The following RYR3 variants were observed in gnomAD, a reference collection of about 807,000 sequenced individuals.
RYR3 encodes ryanodine receptor 3.
In RYR3, 207 loss-of-function variants were observed where a neutral mutation model predicts 584.3. That is an observed-to-expected ratio of 0.35 (90% CI 0.32 to 0.40). The LOEUF (loss-of-function observed/expected upper bound fraction) is 0.40. Ranked by LOEUF, RYR3 falls within the 10% of genes least tolerant of loss-of-function variation. The pLI is 1.00. For missense variants in RYR3, 5,616 were observed against 6,089.2 expected, an observed-to-expected ratio of 0.92 and a Z score of 2.59; for synonymous variants, 2,416 against 2,248.5, an observed-to-expected ratio of 1.07 and a Z score of -2.11.
Position 33,477,831 on chromosome 15 carries a change from C to T in RYR3, c.171+4293C>T, listed in dbSNP as rs183286186. The stretch of plus-strand genomic sequence containing the variant: ...CGGAGGTTGCAGTGAGCGGAGATGG[C>T]GCCACTGCACTCCAGCCTGGGCGAC... On this transcript the variant is annotated intron_variant, in intron 2 of 103. Coordinates refer to ENST00000634891, the MANE Select transcript of RYR3 (RefSeq NM_001036.6). Among the ~76,000 whole-genome samples the T allele has an allele frequency of 4.6e-4, 46 of 99,736 alleles. 2 individuals are homozygous for T. Among genetic ancestry groups the T allele is most frequent in the African/African-American group, 3.0e-3 (33 of 11,172 alleles). The allele number at this position is 99,736 out of a possible 152,430, so 65.4% of individuals were successfully genotyped here.
intron 12 of RYR3, among the ~76,000 whole-genome samples, chr15:33,575,750 G>T (rs1344132481): frequency 2.0e-5 from 3 of 150,978 alleles, no homozygotes; most frequent in Non-Finnish European, 4.4e-5. Flanking sequence ...CAAAAGACAA[G>T]AAATAACCAA....
rs766735944 is a variant in RYR3, at chr15:33,854,860, G to A, written c.13955G>A (p.Gly4652Asp). 1.2e-6 allele frequency: 2 copies of A among 1,613,550 alleles called. No individual in the cohort carries two copies. Among genetic ancestry groups the A allele is most frequent in the African/African-American group, 1.3e-5 (1 of 74,870 alleles). Residue 4652 changes from glycine to aspartate, a missense_variant, in exon 98 of 104, where the codon GGC (glycine) becomes GAC (aspartate). Coordinates refer to ENST00000634891, the MANE Select transcript of RYR3 (RefSeq NM_001036.6). ...FAAHLLDIAM[G>D]FKTLRTILSS... ...GCTCACCTATTGGACATCGCAATGG[G>A]CTTCAAGACACTGAGGACCATTCTG... is the stretch of plus-strand genomic sequence containing the variant.
At position 33,595,231 on chromosome 15, in the gene RYR3, TGA is replaced by T. The variant is rs559124825; in HGVS notation, c.1789-6181_1789-6180del. 4.5e-3 allele frequency among the ~76,000 whole-genome samples: 691 copies of T among 152,336 alleles called. 2 individuals are homozygous for T. The highest frequency in any genetic ancestry group is 6.8e-3 in the Non-Finnish European group (463 of 68,010). ...TCAAAAAGTGAAAACCTTCATTCTT[TGA>T]GAGAGAAGACTTAATTTTCTAAACA... On this transcript the variant is annotated intron_variant, in intron 16 of 103. Transcript: ENST00000634891.
chr15:33,646,249 T>C lies in RYR3; in HGVS notation c.3766-102T>C, dbSNP rs924460557. ...CACTGGACACAACTTACTTCTGTAG[T>C]TCACAGAATGCCTTGCCATGTGCAT... is the stretch of plus-strand genomic sequence containing the variant. On this transcript the variant is annotated intron_variant, in intron 28 of 103. Coordinates refer to ENST00000634891, the MANE Select transcript of RYR3 (RefSeq NM_001036.6). The C allele has an allele frequency of 4.1e-6, 4 of 977,498 alleles. No individual in the cohort carries two copies. In the African/African-American group the frequency reaches 6.5e-5, roughly 16 times the overall value. 60.6% of individuals were successfully genotyped at this position (977,498 alleles called of 1,614,324 possible). A position where few individuals can be genotyped will look rare whatever the true frequency, so the allele number is the denominator to read the frequency against.
chr15:33,612,331 CAAAT>C (rs2060236692), intron 18 of RYR3, among the ~76,000 whole-genome samples: 1 of 152,122 alleles, frequency 6.6e-6, no homozygotes, highest in South Asian at 2.1e-4. Context: ...TTCTTTAAAA[CAAAT>C]AAGCAAACTA....
At chr15:33,563,052 T>C (rs2057498301) in intron 11 of RYR3, 42 bp downstream of exon 11, 1 of 1,537,396 alleles carries the variant, frequency 6.5e-7, no homozygotes, top group East Asian at 2.3e-5. Context: ...TTACCCTGAG[T>C]TGGAAGCAAC....
intron 49 of RYR3, among the ~76,000 whole-genome samples, 181 bp from the exon 50 acceptor site, chr15:33,738,255 AAGCTGACTGTTCCC>A (rs1377838238): frequency 3.3e-5 from 5 of 152,166 alleles, no homozygotes; most frequent in Non-Finnish European, 7.3e-5. Context: ...GCTCAGGCTC[AAGCTGACTGTTCCC>A]AGCTTGAGAG....
intron 1 of RYR3, among the ~76,000 whole-genome samples, chr15:33,399,771 A>G (rs540759606): frequency 6.6e-6 from 1 of 152,342 alleles, no homozygotes; most frequent in South Asian, 2.1e-4. Context: ...AAAGAAAGAT[A>G]GATCTATATC....
At position 33,860,322 on chromosome 15, in the gene RYR3, T is replaced by C. The variant is rs576043019; in HGVS notation, c.14300-273T>C. On this transcript the variant is annotated intron_variant, in intron 100 of 103. Transcript: ENST00000634891. ...ACTGAACACAAATAGCTAAGCAAAA[T>C]AGGAGACCAACCAGGGAGAAGTAGA... Among the ~76,000 whole-genome samples, 39 of 151,932 alleles carry C rather than the reference T, an allele frequency of 2.6e-4. No homozygotes were observed. The South Asian group carries it at 3.7e-3, about 15-fold the overall frequency.
At position 33,769,066 on chromosome 15, in the gene RYR3, A is replaced by T. The variant is rs371060368; in HGVS notation, c.8756-46A>T. The T allele has an allele frequency of 2.6e-5, 37 of 1,428,628 alleles. No homozygotes were observed. In the African/African-American group the frequency reaches 4.5e-4, roughly 17 times the overall value. 88.5% of individuals were successfully genotyped at this position (1,428,628 alleles called of 1,614,324 possible). The stretch of plus-strand genomic sequence containing the variant: ...ATGGAGAAGACTGCATTTGAAAGAC[A>T]GGCTGAGTGGTTTGAGGGAATCACA... On this transcript the variant is annotated intron_variant, in intron 61 of 103. Coordinates refer to ENST00000634891, the MANE Select transcript of RYR3 (RefSeq NM_001036.6).
chr15:33,708,690 A>G lies in RYR3; in HGVS notation c.6619+1636A>G, dbSNP rs540146318. On this transcript the variant is annotated intron_variant, in intron 43 of 103. Transcript: ENST00000634891. ...ATATATATAAAGTTTCGGTGCCACA[A>G]AAGAAATAGCACTTGAATATAAAAT... Among the ~76,000 whole-genome samples the G allele has an allele frequency of 9.8e-5, 15 of 152,342 alleles. No homozygotes were observed. The South Asian group carries it at 2.9e-3, about 29-fold the overall frequency.
Position 33,864,936 on chromosome 15 carries a change from C to T in RYR3, c.14518-195C>T, listed in dbSNP as rs1889956217. 5.8e-6 allele frequency: 3 copies of T among 514,340 alleles called. No individual in the cohort carries two copies. The South Asian group carries it at 1.0e-4, about 17-fold the overall frequency. The allele number at this position is 514,340 out of a possible 1,614,324, so 31.9% of individuals were successfully genotyped here. On this transcript the variant is annotated intron_variant, in intron 103 of 103. Transcript: ENST00000634891. Reference sequence around the variant, plus strand: ...GGGGATTTTTCTCCTTCCCTGCCAGCATGTGTCAGAGAGACATGGCTTCTT... The same window carrying T: ...GGGGATTTTTCTCCTTCCCTGCCAGTATGTGTCAGAGAGACATGGCTTCTT...
chr15:33,595,510 T>C (rs1438795635), intron 16 of RYR3, among the ~76,000 whole-genome samples: 2 of 152,166 alleles, frequency 1.3e-5, no homozygotes. Context: ...TGCACTTATT[T>C]TATCTTTCAA....
intron 55 of RYR3, among the ~76,000 whole-genome samples, chr15:33,749,168 T>C (rs2071035424): frequency 6.6e-6 from 1 of 152,108 alleles, no homozygotes; most frequent in South Asian, 2.1e-4. Flanking sequence ...ACAAAATCTG[T>C]GAAATTTAGC....
intron 16 of RYR3, among the ~76,000 whole-genome samples, chr15:33,588,325 C>A (rs1365502439): frequency 2.0e-5 from 3 of 152,186 alleles, no homozygotes; most frequent in Non-Finnish European, 4.4e-5. Context: ...GTTTCTCAAG[C>A]TGCAGCCTGT....
At chr15:33,457,668 G>T (rs892611343) in intron 1 of RYR3, among the ~76,000 whole-genome samples, 1 of 152,090 alleles carries the variant, frequency 6.6e-6, no homozygotes. Context: ...GGCACAGTAG[G>T]GTGACTACGA....
chr15:33,853,726 A>C, intron 96 of RYR3, 44 bp downstream of exon 96: 1 of 1,590,664 alleles, frequency 6.3e-7, no homozygotes, highest in Non-Finnish European at 8.6e-7. Flanking sequence ...GCTAAAATAG[A>C]TAGATCTTTG....
At chr15:33,381,449 G>T (rs1340354540) in intron 1 of RYR3, among the ~76,000 whole-genome samples, 1 of 152,148 alleles carries the variant, frequency 6.6e-6, no homozygotes, top group Non-Finnish European at 1.5e-5. Flanking sequence ...TGAACCTTGA[G>T]CATCTCAGTT....
chr15:33,579,017 T>G lies in RYR3; in HGVS notation c.1269-959T>G, dbSNP rs534483205. Among the ~76,000 whole-genome samples, 91 of 151,864 alleles carry G rather than the reference T, an allele frequency of 6.0e-4. 1 individual carries two copies. Among genetic ancestry groups the G allele is most frequent in the African/African-American group, 2.0e-3 (83 of 41,370 alleles). On this transcript the variant is annotated intron_variant, in intron 12 of 103. Coordinates refer to ENST00000634891, the MANE Select transcript of RYR3 (RefSeq NM_001036.6). ...GTTGAAGGGGTTTAATTACAAAAAA[T>G]TGGCAGAGATTAAAACAGAAAAAGA...
Sources: allele counts gnomAD v4.1 joint callset (sites outside exome capture counted in the v4.1 genomes callset), GRCh38; gene constraint gnomAD v4.1.1; transcripts MANE v1.5; gene names NCBI Gene and HGNC (gene_info 2026-07-23, HGNC 2026-07-21).